Variants in SLC30A5 observed in about 807,000 individuals in gnomAD.
The protein encoded by SLC30A5 is proton-coupled zinc antiporter SLC30A5.
In SLC30A5, 33 loss-of-function variants were observed where a neutral mutation model predicts 79.6. The observed-to-expected ratio is 0.41, with a 90% CI of 0.31 to 0.55. SLC30A5 has a LOEUF of 0.55. Among genes scored for constraint, SLC30A5 ranks in the 20% least tolerant of loss-of-function variants. The pLI, the probability that SLC30A5 is intolerant of heterozygous loss-of-function variation, is 0.20. For synonymous variants in SLC30A5, 299 were observed against 319.7 expected, an observed-to-expected ratio of 0.94 and a Z score of 0.69; for missense variants, 788 against 928.1, an observed-to-expected ratio of 0.85 and a Z score of 1.96.
In SLC30A5 at chr5:69,129,600, G is replaced by T; in HGVS notation, c.2281G>T (p.Gly761Cys). 1.2e-6 allele frequency: 2 copies of T among 1,610,548 alleles called. No individual in the cohort carries two copies. The highest frequency in any genetic ancestry group is 1.3e-5 in the African/African-American group (1 of 74,938). The change falls in exon 16 of 16, where the codon GGT becomes TGT. Residue 761 changes from glycine (G) to cysteine (C), a missense_variant. Transcript: ENST00000396591. ...QMESMKYCKD[G>C]TYIM is the part of the protein sequence containing the mutation. ...GGAATCCATGAAATACTGCAAAGAT[G>T]GTACTTACATCATGTGAGATAACTC...
In SLC30A5 at chr5:69,111,054, C is replaced by T. The variant is rs182475680; in HGVS notation, c.448-2086C>T. ...GGTTGCCCAGGCTGGAGTGCAGTGG[C>T]ACCATCTTGGCTCACTGCAACCTCC... On this transcript the variant is annotated intron_variant, in intron 5 of 15. Transcript: ENST00000396591. 4.9e-3 allele frequency among the ~76,000 whole-genome samples: 733 copies of T among 150,732 alleles called. 4 individuals carry two copies. Among genetic ancestry groups the T allele is most frequent in the Non-Finnish European group, 7.1e-3 (481 of 67,780 alleles).
intron 14 of SLC30A5, among the ~76,000 whole-genome samples, chr5:69,125,290 G>T (rs141029541): frequency 0.012 from 1,779 of 152,118 alleles, 23 homozygotes; most frequent in African/African-American, 0.04. Context: ...ACTTTGGGAG[G>T]CTGAGGCAGG....
At chr5:69,108,141 T>TA (rs1449449505) in intron 4 of SLC30A5, among the ~76,000 whole-genome samples, 1 of 152,236 alleles carries the variant, frequency 6.6e-6, no homozygotes, top group East Asian at 1.9e-4. Flanking sequence ...GACATAATTC[T>TA]ATGAGTGGTA....
chr5:69,128,133 GTAATCTTTTGTTTTTAAAGTAATTT>G lies in SLC30A5; in HGVS notation c.2127+6_2127+30del. On this transcript the variant is annotated splice_donor_variant and splice_donor_5th_base_variant and intron_variant, in intron 15 of 15. Coordinates refer to ENST00000396591, the MANE Select transcript of SLC30A5 (RefSeq NM_022902.5). LOFTEE classifies it high-confidence loss of function. Reference sequence around the variant, plus strand: ...GCTAGAACAAAGAATAGTACAGCAGGTAATCTTTTGTTTTTAAAGTAATTTTAATTGAGGTCATTCATACCCAAAA... The same window carrying G: ...GCTAGAACAAAGAATAGTACAGCAGGTAATTGAGGTCATTCATACCCAAAA... The G allele has an allele frequency of 6.3e-7, 1 of 1,595,706 alleles. No individual in the cohort carries two copies. Among genetic ancestry groups the G allele is most frequent in the Non-Finnish European group, 8.5e-7 (1 of 1,171,090 alleles).
At chr5:69,115,111 G>GCA (rs1483639506) in intron 7 of SLC30A5, 126 bp from the exon 8 acceptor site, 3 of 700,748 alleles carry the variant, frequency 4.3e-6, no homozygotes, top group Non-Finnish European at 6.9e-6. Flanking sequence ...AGCCTGGGTG[G>GCA]CAGAGCAAGA....
At chr5:69,118,460 T>C in intron 11 of SLC30A5, 39 bp from the exon 12 acceptor site, 1 of 1,563,870 alleles carries the variant, frequency 6.4e-7, no homozygotes, top group Non-Finnish European at 8.7e-7. Context: ...TAAAAATATT[T>C]GTCCTTTTCC....
At position 69,128,581 on chromosome 5, in the gene SLC30A5, G is replaced by A. The variant is rs183372995; in HGVS notation, c.2127+449G>A. On this transcript the variant is annotated intron_variant, in intron 15 of 15. Coordinates refer to ENST00000396591, the MANE Select transcript of SLC30A5 (RefSeq NM_022902.5). ...CGGCCTAATCTTCCAAATCTGTAAC[G>A]GTAATATAGCTTACTTTTTACATCT... 8.2e-4 allele frequency among the ~76,000 whole-genome samples: 125 copies of A among 151,936 alleles called. No individual in the cohort carries two copies. In the Middle Eastern group the frequency reaches 0.014, roughly 17 times the overall value.
In SLC30A5 at chr5:69,116,660, A is replaced by G; in HGVS notation, c.1281+58A>G. 8.1e-7 allele frequency: 1 copy of G among 1,228,570 alleles called. No individual in the cohort carries two copies. Among genetic ancestry groups the G allele is most frequent in the Non-Finnish European group, 1.1e-6 (1 of 913,106 alleles). The allele number at this position is 1,228,570 out of a possible 1,614,324, so 76.1% of individuals were successfully genotyped here. On this transcript the variant is annotated intron_variant, in intron 10 of 15. Coordinates refer to ENST00000396591, the MANE Select transcript of SLC30A5 (RefSeq NM_022902.5). This position sits in a 1 kb window ranked among gnomAD's most constrained non-coding sequence, Gnocchi z 4.0. The stretch of plus-strand genomic sequence containing the variant: ...AAAAGCATAATATTTTAATTTTGAC[A>G]GTTCTGGTATAAGTTTAGTACTTCC...
In SLC30A5 at chr5:69,094,337, C is replaced by T. The variant is rs1050725512; in HGVS notation, c.82C>T (p.Arg28Ter). The change falls in exon 1 of 16, where the codon CGA becomes TGA. Residue 28 changes from arginine (R) to a stop codon, truncating the protein, a stop_gained and splice_region_variant. Transcript: ENST00000396591. LOFTEE classifies it high-confidence loss of function. ...TGGGCCGGTGGACGTACCCAGCGCT[C>T]GGTAAGGGACCGATCCGGAAGGCAG... Reference protein sequence around the residue: ...GLGPVDVPSARLTKYIVLLCF... With the variant: ...GLGPVDVPSA 2 of 1,248,292 alleles carry T rather than the reference C, an allele frequency of 1.6e-6. No homozygotes were observed. The highest frequency in any genetic ancestry group is 1.0e-6 in the Non-Finnish European group (1 of 988,820). The allele number at this position is 1,248,292 out of a possible 1,614,324, so 77.3% of individuals were successfully genotyped here.
In SLC30A5 at chr5:69,098,792, G is replaced by T. The variant is rs999142066; in HGVS notation, c.84-2015G>T. ...GACTGTTGTAAGAATTAAATGAAAT[G>T]ATATATTCAAAGCACTTGGAACATA... On this transcript the variant is annotated intron_variant, in intron 1 of 15. Transcript: ENST00000396591. 9.2e-5 allele frequency among the ~76,000 whole-genome samples: 14 copies of T among 152,318 alleles called. No homozygotes were observed. In the East Asian group the frequency reaches 2.5e-3, roughly 27 times the overall value.
At position 69,115,419 on chromosome 5, in the gene SLC30A5, G is replaced by A; in HGVS notation, c.783+12G>A. On this transcript the variant is annotated intron_variant, in intron 8 of 15. Coordinates refer to ENST00000396591, the MANE Select transcript of SLC30A5 (RefSeq NM_022902.5). ...CTGTGACAACTGAGGTAAGATAAGAGCAAGAATTTATTGGTATTAAATTGC... is the reference window on the plus strand; with the variant it reads ...CTGTGACAACTGAGGTAAGATAAGAACAAGAATTTATTGGTATTAAATTGC... 1 of 1,599,184 alleles carries A rather than the reference G, an allele frequency of 6.3e-7. No individual in the cohort carries two copies. The highest frequency in any genetic ancestry group is 8.5e-7 in the Non-Finnish European group (1 of 1,170,270).
Position 69,129,604 on chromosome 5 carries a change from C to T in SLC30A5, c.2285C>T (p.Thr762Ile), listed in dbSNP as rs904716085. ...MESMKYCKDG[T>I]YIM Reference sequence around the variant, plus strand: ...TCCATGAAATACTGCAAAGATGGTACTTACATCATGTGAGATAACTCAAGA... The same window carrying T: ...TCCATGAAATACTGCAAAGATGGTATTTACATCATGTGAGATAACTCAAGA... Residue 762 changes from threonine (T) to isoleucine (I), a missense_variant, in exon 16 of 16, where the codon ACT becomes ATT. Physicochemically the swap from Thr to Ile is moderately conservative, Grantham distance 89. Around this residue, in one of 3 missense-constraint regions of SLC30A5, gnomAD observed 158 missense variants for 156.2 expected, o/e 1.01. Coordinates refer to ENST00000396591, the MANE Select transcript of SLC30A5 (RefSeq NM_022902.5). 3.7e-6 allele frequency: 6 copies of T among 1,610,346 alleles called. No homozygotes were observed. The highest frequency in any genetic ancestry group is 1.7e-5 in the Admixed American group (1 of 59,510).
At chr5:69,127,973 G>A (rs766591860) in intron 14 of SLC30A5, 31 bp from the exon 15 acceptor site, 2 of 1,584,790 alleles carry the variant, frequency 1.3e-6, no homozygotes, top group South Asian at 1.1e-5. Context: ...TAGCCTGTAT[G>A]ACCATTTATA....
intron 4 of SLC30A5, among the ~76,000 whole-genome samples, chr5:69,106,199 T>C (rs1434985361): frequency 1.1e-4 from 17 of 152,176 alleles, no homozygotes; most frequent in Admixed American, 1.1e-3. Flanking sequence ...GTAGGTATAA[T>C]TGGAAATGTC....
At chr5:69,110,981 TTGA>T (rs1285377503) in intron 5 of SLC30A5, among the ~76,000 whole-genome samples, 1 of 151,968 alleles carries the variant, frequency 6.6e-6, no homozygotes, top group Non-Finnish European at 1.5e-5. Context: ...AGTCCAGGAC[TTGA>T]TGATTGTTTT....
Position 69,116,840 on chromosome 5 carries a change from C to G in SLC30A5, c.1281+238C>G, listed in dbSNP as rs1055952101. Among the ~76,000 whole-genome samples the G allele has an allele frequency of 2.6e-5, 4 of 152,136 alleles. No homozygotes were observed. Among genetic ancestry groups the G allele is most frequent in the Non-Finnish European group, 5.9e-5 (4 of 68,028 alleles). On this transcript the variant is annotated intron_variant, in intron 10 of 15. Coordinates refer to ENST00000396591, the MANE Select transcript of SLC30A5 (RefSeq NM_022902.5). The surrounding 1 kb of genome is among the most constrained non-coding windows in gnomAD (Gnocchi z 4.0). Reference sequence around the variant, plus strand: ...AACAATTTGTGAGGCATTTTAGAAGCATTGATTTAGTATGTTCCTTCAAAT... The same window carrying G: ...AACAATTTGTGAGGCATTTTAGAAGGATTGATTTAGTATGTTCCTTCAAAT...
At position 69,115,164 on chromosome 5, in the gene SLC30A5, A is replaced by G. The variant is rs918251570; in HGVS notation, c.613-73A>G. The G allele has an allele frequency of 5.5e-4, 447 of 818,260 alleles. 5 individuals carry two copies. In the Middle Eastern group the frequency reaches 9.3e-3, roughly 17 times the overall value. 50.7% of individuals were successfully genotyped at this position (818,260 alleles called of 1,614,324 possible). On this transcript the variant is annotated intron_variant, in intron 7 of 15. Transcript: ENST00000396591. ...AAAAAAAAAAAAAAAAAAAAAAAAA[A>G]AGATCATGTATTTAACGACTGACTG... is the stretch of plus-strand genomic sequence containing the variant.
intron 13 of SLC30A5, among the ~76,000 whole-genome samples, chr5:69,122,941 T>G (rs1221163186): frequency 6.6e-6 from 1 of 152,206 alleles, no homozygotes; most frequent in Non-Finnish European, 1.5e-5. Context: ...GCCTCAAGTA[T>G]GATTTTTGGG....
chr5:69,104,788 G>A, intron 4 of SLC30A5, 72 bp downstream of exon 4: 2 of 1,450,572 alleles, frequency 1.4e-6, no homozygotes, highest in Non-Finnish European at 1.9e-6. Context: ...GTTCCACTGT[G>A]TTTTACGTCA....
Sources: gnomAD v4.1 joint callset for allele counts (sites outside exome capture counted in the v4.1 genomes callset) on GRCh38, gnomAD v4.1.1 for gene constraint, gnomAD v4.1.1 regional missense constraint, Gnocchi (gnomAD v3.1) non-coding constraint, MANE v1.5 for transcripts, NCBI Gene and HGNC (gene_info 2026-07-23, HGNC 2026-07-21) for gene names.